Variants in PTPRG observed in about 807,000 individuals in gnomAD.
The protein encoded by PTPRG is protein tyrosine phosphatase receptor type G.
Under a neutral mutation model 165.3 loss-of-function variants are expected in PTPRG, and 102 were observed. That is an observed-to-expected ratio of 0.62 (90% CI 0.53 to 0.73). PTPRG has a LOEUF of 0.73. Among genes scored for constraint, PTPRG ranks in the 30% least tolerant of loss-of-function variants. The pLI is 0.00. For missense variants in PTPRG, 1,866 were observed against 1,861.4 expected (o/e 1.00, Z -0.05); for synonymous variants, 675 against 669.5 (o/e 1.01, Z -0.13).
At position 61,680,336 on chromosome 3, in the gene PTPRG, G is replaced by T. The variant is rs570788508; in HGVS notation, c.86-68542G>T. 5.9e-5 allele frequency among the ~76,000 whole-genome samples: 9 copies of T among 152,086 alleles called. No individual in the cohort carries two copies. The East Asian group carries it at 1.6e-3, about 26-fold the overall frequency. ...TAGGTGGAGGTGTGAAAGGGAGAGG[G>T]CCTCATCTCAGGGTGGCTGGACCTG... On this transcript the variant is annotated intron_variant, in intron 1 of 29. Transcript: ENST00000474889.
chr3:62,160,328 C>T (rs551539802), intron 7 of PTPRG, among the ~76,000 whole-genome samples: 20 of 152,332 alleles, frequency 1.3e-4, no homozygotes, highest in Admixed American at 4.6e-4. Flanking sequence ...GTCAGCCCTG[C>T]CAGCCTGTGC....
intron 1 of PTPRG, among the ~76,000 whole-genome samples, chr3:61,672,920 G>T (rs996437512): frequency 1.2e-4 from 18 of 152,140 alleles, no homozygotes; most frequent in Non-Finnish European, 2.4e-4. Context: ...AGCACCTTGG[G>T]AGGCCAAGGC....
intron 1 of PTPRG, among the ~76,000 whole-genome samples, chr3:61,747,923 C>A (rs562773200): frequency 6.6e-6 from 1 of 151,930 alleles, no homozygotes; most frequent in African/African-American, 2.4e-5. Context: ...TGACATTTGT[C>A]TTCTTATACA....
intron 4 of PTPRG, among the ~76,000 whole-genome samples, chr3:62,017,209 G>C (rs2041567410): frequency 6.6e-6 from 1 of 152,098 alleles, no homozygotes; most frequent in Admixed American, 6.5e-5. Context: ...GGGCCTGCTG[G>C]TTTAAAGGGT....
intron 2 of PTPRG, among the ~76,000 whole-genome samples, chr3:61,780,320 G>C (rs1435383815): frequency 6.6e-6 from 1 of 152,120 alleles, no homozygotes; most frequent in Non-Finnish European, 1.5e-5. Context: ...CTTGAGTGGG[G>C]GGCAGGCAGC....
intron 1 of PTPRG, among the ~76,000 whole-genome samples, chr3:61,608,484 T>C (rs558037766): frequency 3.3e-4 from 50 of 152,296 alleles, no homozygotes; most frequent in Non-Finnish European, 6.3e-4. Context: ...GTATTCTGTT[T>C]GCTGTGGGTG....
At chr3:61,918,368 A>G (rs1311178775) in intron 2 of PTPRG, among the ~76,000 whole-genome samples, 1 of 152,172 alleles carries the variant, frequency 6.6e-6, no homozygotes, top group African/African-American at 2.4e-5. Context: ...ATATGTATAT[A>G]TATATATACA....
At chr3:61,982,963 A>G (rs1449443762) in intron 2 of PTPRG, among the ~76,000 whole-genome samples, 1 of 152,182 alleles carries the variant, frequency 6.6e-6, no homozygotes, top group Non-Finnish European at 1.5e-5. Context: ...TTGATATGAA[A>G]TGGAGTACTG....
At chr3:61,739,838 A>G (rs1430385509) in intron 1 of PTPRG, among the ~76,000 whole-genome samples, 1 of 152,252 alleles carries the variant, frequency 6.6e-6, no homozygotes, top group East Asian at 1.9e-4. Context: ...AGCTAGCTGG[A>G]TATTCATGAC....
chr3:61,872,173 G>A lies in PTPRG; in HGVS notation c.191-117452G>A, dbSNP rs183463111. On this transcript the variant is annotated intron_variant, in intron 2 of 29. Transcript: ENST00000474889. ...AAAGTAACGTGTACTTTCACTGAAG[G>A]ATAGCTTCTCTACTACAGCTACTGT... is the stretch of plus-strand genomic sequence containing the variant. Among the ~76,000 whole-genome samples, 460 of 152,270 alleles carry A rather than the reference G, an allele frequency of 3.0e-3. 2 individuals carry two copies. The highest frequency in any genetic ancestry group is 5.0e-3 in the Admixed American group (77 of 15,302).
At chr3:62,016,796 C>CT (rs1486295981) in intron 4 of PTPRG, among the ~76,000 whole-genome samples, 4 of 152,178 alleles carry the variant, frequency 2.6e-5, no homozygotes, top group Non-Finnish European at 2.9e-5. Context: ...GGCTTCTACT[C>CT]TCCCTCATTC....
chr3:61,970,821 G>C (rs2040365439), intron 2 of PTPRG, among the ~76,000 whole-genome samples: 1 of 152,108 alleles, frequency 6.6e-6, no homozygotes, highest in South Asian at 2.1e-4. Context: ...AACCAAATGA[G>C]TTCATAAATG....
In PTPRG at chr3:61,908,294, C is replaced by T. The variant is rs369415492; in HGVS notation, c.191-81331C>T. On this transcript the variant is annotated intron_variant, in intron 2 of 29. Transcript: ENST00000474889. ...TGCAAAACTTAGCCAGGCATGGTGG[C>T]GCATGCCTGTAGTCCCAGCTACTCG... Among the ~76,000 whole-genome samples, 34 of 150,742 alleles carry T rather than the reference C, an allele frequency of 2.3e-4. No homozygotes were observed. The East Asian group carries it at 3.7e-3, about 17-fold the overall frequency.
chr3:62,171,791 T>G (rs1418282289), intron 8 of PTPRG, among the ~76,000 whole-genome samples: 1 of 152,160 alleles, frequency 6.6e-6, no homozygotes, highest in African/African-American at 2.4e-5. Context: ...TGTTTTTTAC[T>G]GTAGTCACAA....
intron 2 of PTPRG, among the ~76,000 whole-genome samples, chr3:61,833,653 C>G (rs1253222657): frequency 2.7e-5 from 4 of 150,662 alleles, no homozygotes; most frequent in Admixed American, 2.6e-4. Flanking sequence ...ACCTCCGCCA[C>G]CTGGGTTCAA....
intron 2 of PTPRG, among the ~76,000 whole-genome samples, chr3:61,866,513 G>T (rs570605702): frequency 7.3e-5 from 11 of 150,738 alleles, no homozygotes; most frequent in Non-Finnish European, 1.6e-4. Context: ...GGGGGAGAGA[G>T]GTGAGCATAG....
At chr3:62,084,220 A>T (rs1460698516) in intron 5 of PTPRG, among the ~76,000 whole-genome samples, 1 of 152,212 alleles carries the variant, frequency 6.6e-6, no homozygotes, top group Non-Finnish European at 1.5e-5. Flanking sequence ...TTCTGAATAC[A>T]TTTAAGAAGT....
At chr3:61,652,415 C>T (rs1702379450) in intron 1 of PTPRG, among the ~76,000 whole-genome samples, 1 of 152,106 alleles carries the variant, frequency 6.6e-6, no homozygotes, top group African/African-American at 2.4e-5. Flanking sequence ...TCAAGTTTAC[C>T]TCTGCCTGAC....
At chr3:62,019,271 C>CA (rs1246413151) in intron 4 of PTPRG, among the ~76,000 whole-genome samples, 3 of 152,102 alleles carry the variant, frequency 2.0e-5, no homozygotes, top group African/African-American at 7.2e-5. Flanking sequence ...ACTTGTAATC[C>CA]AGCACTTTGA....
Sources: allele counts gnomAD v4.1 joint callset (sites outside exome capture counted in the v4.1 genomes callset), GRCh38; gene constraint gnomAD v4.1.1; transcripts MANE v1.5; gene names NCBI Gene and HGNC (gene_info 2026-07-23, HGNC 2026-07-21).